Variants in ZNF275 observed in about 807,000 individuals in gnomAD.
The protein encoded by ZNF275 is zinc finger protein 275.
A neutral mutation model predicts 4.3 loss-of-function variants in ZNF275; 4 were observed. The ratio of observed to expected loss-of-function variants is 0.93; its 90% confidence interval spans 0.46 to 2.13. The LOEUF (loss-of-function observed/expected upper bound fraction) is 2.13. Ranked by LOEUF, ZNF275 falls within the 30% of genes most tolerant of loss-of-function variation. ZNF275 has a pLI of 0.02. For missense variants in ZNF275, 352 were observed against 397.1 expected, an observed-to-expected ratio of 0.89 and a Z score of 0.97; for synonymous variants, 173 against 166.9, an observed-to-expected ratio of 1.04 and a Z score of -0.28.
At position 153,343,768 on chromosome X, in the gene ZNF275, A is replaced by G. The variant is rs782235227; in HGVS notation, c.32-1752A>G. ...CATTTCCTGGTTATTTCTTCTGATG[A>G]TCTTGGTGTGCCTCCTTCCTGTGCA... On this transcript the variant is annotated intron_variant, in intron 2 of 3. Coordinates refer to ENST00000650114, the MANE Select transcript of ZNF275 (RefSeq NM_001367757.1). 6.3e-5 allele frequency among the ~76,000 whole-genome samples: 7 copies of G among 111,317 alleles called. No homozygotes were observed. In the East Asian group the frequency reaches 2.0e-3, roughly 31 times the overall value.
Position 153,349,443 on chromosome X carries a change from G to A in ZNF275, c.*1468G>A, listed in dbSNP as rs959739011. 1 of 123,907 alleles carries A rather than the reference G, an allele frequency of 8.1e-6. No homozygotes were observed. The highest frequency in any genetic ancestry group is 1.9e-5 in the Non-Finnish European group (1 of 53,376). 10.2% of individuals were successfully genotyped at this position (123,907 alleles called of 1,213,427 possible). A position where few individuals can be genotyped will look rare whatever the true frequency, so the allele number is the denominator to read the frequency against. On this transcript the variant is annotated 3_prime_UTR_variant, in exon 4 of 4. Transcript: ENST00000650114. Reference sequence around the variant, plus strand: ...TCTGTTTTTTGCATGCAAATGGTCCGTTCATCTCCTTTGACTAGTTATCAA... The same window carrying A: ...TCTGTTTTTTGCATGCAAATGGTCCATTCATCTCCTTTGACTAGTTATCAA...
In ZNF275 at chrX:153,347,037, C is replaced by G; in HGVS notation, c.352C>G (p.Gln118Glu). ...CTTTCGGCTTAAAGTCCTGCTTGTCCAGCACCAGAGAGTCCACAGTGAGGA... is the reference window on the plus strand; with the variant it reads ...CTTTCGGCTTAAAGTCCTGCTTGTCGAGCACCAGAGAGTCCACAGTGAGGA... ...DTFRLKVLLVQHQRVHSEEKG... is the reference protein window; with the variant it reads ...DTFRLKVLLVEHQRVHSEEKG... The change falls in exon 4 of 4, where the codon CAG (glutamine) becomes GAG (glutamate). Residue 118 changes from glutamine to glutamate, a missense_variant. Physicochemically the swap from Gln to Glu is conservative, Grantham distance 29 (BLOSUM62 2). Coordinates refer to ENST00000650114, the MANE Select transcript of ZNF275 (RefSeq NM_001367757.1). 4.1e-6 allele frequency: 5 copies of G among 1,211,453 alleles called. No individual in the cohort carries two copies. The highest frequency in any genetic ancestry group is 5.6e-6 in the Non-Finnish European group (5 of 895,402).
chrX:153,344,658 G>C (rs782244458), intron 2 of ZNF275: 1 of 374,273 alleles, frequency 2.7e-6, no homozygotes, highest in African/African-American at 2.6e-5. Flanking sequence ...ATGAGCCCTG[G>C]GAATTCTTTC....
In ZNF275 at chrX:153,345,541, C is replaced by A; in HGVS notation, c.53C>A (p.Ala18Asp). ...SLLGVPVLNP[A>D]LVPHLAQGQV... ...GCAGGCGTTCCTGTTTTAAATCCTG[C>A]CTTGGTCCCTCACCTGGCACAAGGA... The change falls in exon 3 of 4, where the codon GCC (alanine) becomes GAC (aspartate). Residue 18 changes from alanine (A) to aspartate (D), a missense_variant. Transcript: ENST00000650114. 1 of 1,210,494 alleles carries A rather than the reference C, an allele frequency of 8.3e-7. No individual in the cohort carries two copies. The highest frequency in any genetic ancestry group is 1.8e-5 in the South Asian group (1 of 56,992).
rs1354434158 is a variant in ZNF275 at position 153,352,716 on chromosome X, T to C, written c.*4741T>C. The C allele has an allele frequency of 9.0e-6, 1 of 111,579 alleles. No individual in the cohort carries two copies. The highest frequency in any genetic ancestry group is 3.3e-5 in the African/African-American group (1 of 30,581). 9.2% of individuals were successfully genotyped at this position (111,579 alleles called of 1,213,427 possible). On this transcript the variant is annotated 3_prime_UTR_variant, in exon 4 of 4. Coordinates refer to ENST00000650114, the MANE Select transcript of ZNF275 (RefSeq NM_001367757.1). ...ACTTTTTTCTCATTCCCCCATCTCA[T>C]TACCTTGTCTGTTTTCTGGCACTCA...
Position 153,345,500 on chromosome X carries a change from A to G in ZNF275, c.32-20A>G, listed in dbSNP as rs868974504. 2.5e-6 allele frequency: 3 copies of G among 1,181,656 alleles called. No individual in the cohort carries two copies. The highest frequency in any genetic ancestry group is 1.8e-5 in the South Asian group (1 of 56,151). Reference sequence around the variant, plus strand: ...TCATCTCTGGCTGTTGCCATAACCAATCTCCTTTCCCATGAGCAGGCGTTC... The same window carrying G: ...TCATCTCTGGCTGTTGCCATAACCAGTCTCCTTTCCCATGAGCAGGCGTTC... On this transcript the variant is annotated intron_variant, in intron 2 of 3. Coordinates refer to ENST00000650114, the MANE Select transcript of ZNF275 (RefSeq NM_001367757.1).
rs1556962106 is a variant in ZNF275 at position 153,349,693 on chromosome X, A to G, written c.*1718A>G. On this transcript the variant is annotated 3_prime_UTR_variant, in exon 4 of 4. Coordinates refer to ENST00000650114, the MANE Select transcript of ZNF275 (RefSeq NM_001367757.1). ...TGACATTTTCTCTAGAATTTTAATT[A>G]CAAACAAAAAGCTGCAACCCCAGCC... 1 of 123,677 alleles carries G rather than the reference A, an allele frequency of 8.1e-6. No individual in the cohort carries two copies. The highest frequency in any genetic ancestry group is 3.2e-5 in the African/African-American group (1 of 30,854). 10.2% of individuals were successfully genotyped at this position (123,677 alleles called of 1,213,427 possible). A position where few individuals can be genotyped will look rare whatever the true frequency, so the allele number is the denominator to read the frequency against.
chrX:153,335,362 G>A (rs1464033870), intron 1 of ZNF275: 1 of 108,593 alleles, frequency 9.2e-6, no homozygotes, highest in Admixed American at 9.7e-5. Context: ...GGGATTGCTG[G>A]AACAGCACCT....
In ZNF275 at chrX:153,346,845, A is replaced by G; in HGVS notation, c.160A>G (p.Met54Val). 2 of 1,202,892 alleles carry G rather than the reference A, an allele frequency of 1.7e-6. No individual in the cohort carries two copies. Among genetic ancestry groups the G allele is most frequent in the Non-Finnish European group, 2.2e-6 (2 of 890,359 alleles). ...SESTSATRHQ[M>V]KGEDAQPQEM... ...AAGCACCTCCGCGACCCGACACCAG[A>G]TGAAGGGGGAAGATGCCCAGCCACA... Residue 54 changes from methionine to valine, a missense_variant, in exon 4 of 4, where the codon ATG becomes GTG. Physicochemically the swap from Met to Val is conservative, Grantham distance 21. Coordinates refer to ENST00000650114, the MANE Select transcript of ZNF275 (RefSeq NM_001367757.1).
chrX:153,335,973 C>T (rs2088443289), intron 1 of ZNF275, among the ~76,000 whole-genome samples: 1 of 111,399 alleles, frequency 9.0e-6, no homozygotes, highest in Non-Finnish European at 1.9e-5. Context: ...CCCACCCCAC[C>T]CCCAATTTCG....
intron 2 of ZNF275, among the ~76,000 whole-genome samples, chrX:153,343,640 T>C (rs1371536628): frequency 6.2e-5 from 7 of 112,179 alleles, no homozygotes; most frequent in Non-Finnish European, 1.1e-4. Context: ...GCTGTGGCTT[T>C]TAAGGGCCTC....
Position 153,350,595 on chromosome X carries a change from G to T in ZNF275, c.*2620G>T. On this transcript the variant is annotated 3_prime_UTR_variant, in exon 4 of 4. Coordinates refer to ENST00000650114, the MANE Select transcript of ZNF275 (RefSeq NM_001367757.1). Reference sequence around the variant, plus strand: ...GTGGCTGGGGACAGGGACACTAGGAGGGCCTGGCAAGGAAGTGTGCCCTTC... The same window carrying T: ...GTGGCTGGGGACAGGGACACTAGGATGGCCTGGCAAGGAAGTGTGCCCTTC... The T allele has an allele frequency of 8.0e-6, 1 of 125,444 alleles. No individual in the cohort carries two copies. The allele number at this position is 125,444 out of a possible 1,213,427, so 10.3% of individuals were successfully genotyped here.
chrX:153,336,755 G>A, intron 2 of ZNF275, 45 bp downstream of exon 2: 1 of 1,151,141 alleles, frequency 8.7e-7, no homozygotes, highest in Non-Finnish European at 1.2e-6. Flanking sequence ...CTTTGACGCT[G>A]GGCATGCTAT....
At chrX:153,340,916 A>G (rs1436508404) in intron 2 of ZNF275, among the ~76,000 whole-genome samples, 1 of 111,890 alleles carries the variant, frequency 8.9e-6, no homozygotes, top group Admixed American at 9.4e-5. Context: ...TGTTGGTTTT[A>G]TATTGAAACC....
rs1315753478 is a variant in ZNF275, at chrX:153,347,111, G to A, written c.426G>A (p.Ala142=). The change falls in exon 4 of 4, where the codon GCG becomes GCA. Residue 142 remains alanine, a synonymous_variant. Coordinates refer to ENST00000650114, the MANE Select transcript of ZNF275 (RefSeq NM_001367757.1). ...GCGGGAAGGTCTTTAGGGGGGTGGC[G>A]GAGTTTAATGAGCACAGGAAAAGCC... The part of the protein sequence containing the change: ...GDCGKVFRGV[A]EFNEHRKSHV... 7 of 1,211,181 alleles carry A rather than the reference G, an allele frequency of 5.8e-6. No homozygotes were observed. Among genetic ancestry groups the A allele is most frequent in the Non-Finnish European group, 6.7e-6 (6 of 895,205 alleles).
Position 153,347,277 on chromosome X carries a change from C to A in ZNF275, c.592C>A (p.Gln198Lys). Reference sequence around the variant, plus strand: ...GTTTAAGAAGAATGCAGGCCTGAGTCAGCATCTGAGGGTCCACAGCAGAGA... The same window carrying A: ...GTTTAAGAAGAATGCAGGCCTGAGTAAGCATCTGAGGGTCCACAGCAGAGA... ...KRFKKNAGLS[Q>K]HLRVHSREKP... is the part of the protein sequence containing the mutation. Residue 198 changes from glutamine to lysine, a missense_variant, in exon 4 of 4, where the codon CAG (glutamine) becomes AAG (lysine). By Grantham distance (53) the Gln-to-Lys change is moderately conservative. Coordinates refer to ENST00000650114, the MANE Select transcript of ZNF275 (RefSeq NM_001367757.1). 8.3e-7 allele frequency: 1 copy of A among 1,211,808 alleles called. No homozygotes were observed. The highest frequency in any genetic ancestry group is 1.1e-6 in the Non-Finnish European group (1 of 895,401).
At chrX:153,339,080 A>G (rs2088464988) in intron 2 of ZNF275, among the ~76,000 whole-genome samples, 1 of 110,618 alleles carries the variant, frequency 9.0e-6, no homozygotes, top group Non-Finnish European at 1.9e-5. Context: ...CGTGTAGTGC[A>G]TGCTCCAGGG....
Position 153,347,653 on chromosome X carries a change from G to A in ZNF275, c.968G>A (p.Cys323Tyr). The A allele has an allele frequency of 8.3e-7, 1 of 1,204,851 alleles. No individual in the cohort carries two copies. Among genetic ancestry groups the A allele is most frequent in the Non-Finnish European group, 1.1e-6 (1 of 891,755 alleles). Residue 323 changes from cysteine to tyrosine, a missense_variant, in exon 4 of 4, where the codon TGC becomes TAC. Cys to Tyr is a radical substitution (Grantham distance 194). Coordinates refer to ENST00000650114, the MANE Select transcript of ZNF275 (RefSeq NM_001367757.1). ...CACACGGGCGAGAAGCCCTACGCCTGCGGCCAGTGCGGCAAGGCCTTCCGC... is the reference window on the plus strand; with the variant it reads ...CACACGGGCGAGAAGCCCTACGCCTACGGCCAGTGCGGCAAGGCCTTCCGC... Reference protein sequence around the residue: ...RIHTGEKPYACGQCGKAFRQS... With the variant: ...RIHTGEKPYAYGQCGKAFRQS...
At chrX:153,338,950 G>A (rs990998859) in intron 2 of ZNF275, among the ~76,000 whole-genome samples, 9 of 111,256 alleles carry the variant, frequency 8.1e-5, no homozygotes, top group African/African-American at 2.9e-4. Context: ...AATCTTGGGA[G>A]CTAGATATTA....
Sources: allele counts gnomAD v4.1 joint callset (sites outside exome capture counted in the v4.1 genomes callset), GRCh38; gene constraint gnomAD v4.1.1; transcripts MANE v1.5; gene names NCBI Gene and HGNC (gene_info 2026-07-23, HGNC 2026-07-21).